The following ACSS1 variants were observed in gnomAD, a reference collection of about 807,000 sequenced individuals.
ACSS1 encodes the protein acyl-CoA synthetase short chain family member 1.
ACSS1 carries 42 observed loss-of-function variants against 75.3 expected under a neutral mutation model. The ratio of observed to expected loss-of-function variants is 0.56; its 90% CI spans 0.44 to 0.72. The LOEUF is 0.72. ACSS1 is among the 30% of genes least tolerant of loss of function. The pLI, the probability that ACSS1 is intolerant of heterozygous loss-of-function variation, is 0.00. For synonymous variants in ACSS1, 380 were observed against 376.8 expected, an observed-to-expected ratio of 1.01 and a Z score of -0.10; for missense variants, 782 against 935.7, an observed-to-expected ratio of 0.84 and a Z score of 2.14.
intron 6 of ACSS1, 138 bp from the exon 7 acceptor site, chr20:25,020,285 C>A: frequency 8.4e-7 from 1 of 1,184,066 alleles, no homozygotes. Context: ...CCCCCAACCC[C>A]CCACCCCCGC....
At chr20:25,044,302 C>T (rs1186465839) in intron 2 of ACSS1, among the ~76,000 whole-genome samples, 5 of 152,304 alleles carry the variant, frequency 3.3e-5, no homozygotes, top group East Asian at 3.9e-4. Flanking sequence ...AGAACCTGCC[C>T]ATGTGAACTA....
chr20:25,042,607 G>T (rs545076217), intron 2 of ACSS1, among the ~76,000 whole-genome samples: 1 of 152,214 alleles, frequency 6.6e-6, no homozygotes, highest in East Asian at 1.9e-4. Flanking sequence ...GCTCACTAGG[G>T]TAATTAACTT....
chr20:25,031,318 AC>A (rs1370960724), intron 2 of ACSS1, among the ~76,000 whole-genome samples: 4 of 152,122 alleles, frequency 2.6e-5, no homozygotes, highest in African/African-American at 9.7e-5. Flanking sequence ...GCCAGTCATG[AC>A]CCACAGTCAT....
intron 3 of ACSS1, among the ~76,000 whole-genome samples, chr20:25,025,519 G>C (rs2088700257): frequency 6.6e-6 from 1 of 152,192 alleles, no homozygotes; most frequent in African/African-American, 2.4e-5. Context: ...TTTTAGCTCA[G>C]AGTTCTGTCG....
intron 1 of ACSS1, among the ~76,000 whole-genome samples, chr20:25,050,303 T>C (rs933732791): frequency 3.3e-5 from 5 of 152,134 alleles, no homozygotes; most frequent in African/African-American, 1.2e-4. Context: ...TACACCCCGC[T>C]GCCTGCCTGT....
At chr20:25,057,713 A>T in intron 1 of ACSS1, 56 bp downstream of exon 1, 1 of 1,471,154 alleles carries the variant, frequency 6.8e-7, no homozygotes, top group Non-Finnish European at 9.1e-7. Context: ...AGAGGCTCCG[A>T]GTCCCCTCGG....
chr20:25,022,047 A>G (rs571133625), intron 5 of ACSS1, among the ~76,000 whole-genome samples: 1 of 152,284 alleles, frequency 6.6e-6, no homozygotes, highest in African/African-American at 2.4e-5. Flanking sequence ...GCTTAAAAAG[A>G]CTTAAAACAC....
intron 13 of ACSS1, among the ~76,000 whole-genome samples, chr20:25,008,653 C>T (rs996075512): frequency 1.3e-5 from 2 of 152,172 alleles, no homozygotes; most frequent in Non-Finnish European, 2.9e-5. Context: ...GTTGAAGAGG[C>T]AGCCCAATCC....
At chr20:25,054,447 C>T (rs1362398535) in intron 1 of ACSS1, among the ~76,000 whole-genome samples, 1 of 152,242 alleles carries the variant, frequency 6.6e-6, no homozygotes, top group Admixed American at 6.5e-5. Flanking sequence ...TTCATTCTAA[C>T]AGCCCTGGGA....
At chr20:25,057,635 C>G (rs73348752) in intron 1 of ACSS1, 134 bp downstream of exon 1, 5 of 759,338 alleles carry the variant, frequency 6.6e-6, no homozygotes, top group Non-Finnish European at 1.0e-5. Flanking sequence ...GCGGGGCGGA[C>G]GGAATACCGG....
In ACSS1 at chr20:25,023,066, G is replaced by A. The variant is rs748597683; in HGVS notation, c.834C>T (p.Cys278=). 4.2e-5 allele frequency: 68 copies of A among 1,613,138 alleles called. 2 individuals are homozygous for A. Among genetic ancestry groups the A allele is most frequent in the South Asian group, 3.3e-4 (30 of 90,962 alleles). ...CCTCACTGCCCATGCTCTCTGGGGC[G>A]CAAACAGGGTCCTCCTTGGCCATTT... ...EQEMAKEDPV[C]APESMGSEDM... The change falls in exon 5 of 14, where the codon TGC becomes TGT. Residue 278 remains cysteine (C), a synonymous_variant. Coordinates refer to ENST00000323482, the MANE Select transcript of ACSS1 (RefSeq NM_032501.4).
chr20:25,009,130 A>G lies in ACSS1; in HGVS notation c.1890+140T>C, dbSNP rs1398469280. On this transcript the variant is annotated intron_variant, in intron 13 of 13. Transcript: ENST00000323482. Reference sequence around the variant, plus strand: ...AACACAGAGACCCACCATCCTCACCACCAGCCAGGAAAACCAAACAGCTAG... The same window carrying G: ...AACACAGAGACCCACCATCCTCACCGCCAGCCAGGAAAACCAAACAGCTAG... The G allele has an allele frequency of 5.1e-6, 4 of 784,326 alleles. No individual in the cohort carries two copies. The African/African-American group carries it at 6.9e-5, about 13-fold the overall frequency. The allele number at this position is 784,326 out of a possible 1,614,324, so 48.6% of individuals were successfully genotyped here. A position where few individuals can be genotyped will look rare whatever the true frequency, so the allele number is the denominator to read the frequency against.
intron 2 of ACSS1, among the ~76,000 whole-genome samples, chr20:25,033,744 G>T (rs1322472318): frequency 2.6e-5 from 4 of 152,226 alleles, no homozygotes; most frequent in Admixed American, 2.6e-4. Context: ...GCACTGAGCA[G>T]CTCAACTTGG....
intron 2 of ACSS1, among the ~76,000 whole-genome samples, chr20:25,044,970 G>A (rs6083729): frequency 7.9e-5 from 12 of 152,154 alleles, no homozygotes; most frequent in African/African-American, 2.7e-4. Context: ...GGGCAAAACC[G>A]CGGCAGGGGA....
chr20:25,021,498 A>G lies in ACSS1; in HGVS notation c.999T>C (p.Cys333=). 3.1e-6 allele frequency: 5 copies of G among 1,614,238 alleles called. No individual in the cohort carries two copies. In the South Asian group the frequency reaches 3.3e-5, roughly 11 times the overall value. Residue 333 remains cysteine (C), a synonymous_variant, in exon 6 of 14, where the codon TGT becomes TGC. Transcript: ENST00000323482. ...FDHQPGDIFG[C]VADIGWITGH... ...CTGTAATCCAACCGATGTCGGCCACACAGCCAAAGATGTCACCTGGCTGGT... is the reference window on the plus strand; with the variant it reads ...CTGTAATCCAACCGATGTCGGCCACGCAGCCAAAGATGTCACCTGGCTGGT...
intron 2 of ACSS1, among the ~76,000 whole-genome samples, chr20:25,032,999 C>T (rs555236264): frequency 5.9e-5 from 9 of 152,356 alleles, no homozygotes; most frequent in African/African-American, 2.2e-4. Flanking sequence ...CCACGCACCC[C>T]TTGCCAAGGT....
intron 2 of ACSS1, among the ~76,000 whole-genome samples, chr20:25,035,433 TCTCA>T (rs2088894196): frequency 6.6e-6 from 1 of 151,320 alleles, no homozygotes; most frequent in Non-Finnish European, 1.5e-5. Context: ...TGAGATAGAG[TCTCA>T]CTCTGTCACC....
intron 12 of ACSS1, chr20:25,010,480 T>C (rs1266909955): frequency 6.6e-6 from 1 of 152,276 alleles, no homozygotes; most frequent in Admixed American, 6.5e-5. Context: ...CCTACAGCCT[T>C]TGCCTGAAAG....
intron 2 of ACSS1, chr20:25,031,228 G>T: frequency 1.9e-6 from 1 of 523,712 alleles, no homozygotes; most frequent in East Asian, 3.9e-5. Context: ...GGTTTTTTTA[G>T]GGGAACAGGA....
Sources: allele counts gnomAD v4.1 joint callset (sites outside exome capture counted in the v4.1 genomes callset), GRCh38; gene constraint gnomAD v4.1.1; transcripts MANE v1.5; gene names NCBI Gene and HGNC (gene_info 2026-07-23, HGNC 2026-07-21).